The following SOX5 variants were observed in gnomAD, a reference collection of about 807,000 sequenced individuals.
The protein encoded by SOX5 is transcription factor SOX-5.
In SOX5, 9 loss-of-function variants were observed where a neutral mutation model predicts 92.0. That is an observed-to-expected ratio of 0.10 (90% CI 0.06 to 0.17). The LOEUF (loss-of-function observed/expected upper bound fraction) is 0.17, where lower values mean the gene tolerates loss of function less well. Ranked by LOEUF, SOX5 falls within the 10% of genes least tolerant of loss-of-function variation. The probability of loss-of-function intolerance (pLI) is 1.00; values close to 1 mark genes in which losing one functional copy is unlikely to be tolerated. For missense variants in SOX5, 642 were observed against 944.5 expected (o/e 0.68, Z 4.20); for synonymous variants, 344 against 336.3 (o/e 1.02, Z -0.25).
chr12:23,881,126 G>T (rs1170693672), intron 2 of SOX5, among the ~76,000 whole-genome samples: 1 of 152,026 alleles, frequency 6.6e-6, no homozygotes, highest in African/African-American at 2.4e-5. Flanking sequence ...AGATGAAGAG[G>T]TCACCACTGT....
intron 8 of SOX5, among the ~76,000 whole-genome samples, chr12:23,608,115 GAAAAAAAAAAAA>G (rs772255622): frequency 0.011 from 472 of 44,094 alleles, 5 homozygotes; most frequent in African/African-American, 0.034. Flanking sequence ...AAAGAAAAAA[GAAAAAAAAAAAA>G]AAAAAAAAAA....
At chr12:23,859,215 C>G (rs2096727468) in intron 2 of SOX5, among the ~76,000 whole-genome samples, 3 of 152,160 alleles carry the variant, frequency 2.0e-5, no homozygotes, top group Admixed American at 2.0e-4. Context: ...TATTTTTCAT[C>G]TCACAGAGAG....
At chr12:24,086,473 G>A (rs1425630469) in intron 4 of SOX5, among the ~76,000 whole-genome samples, 2 of 151,704 alleles carry the variant, frequency 1.3e-5, no homozygotes, top group African/African-American at 4.8e-5. Context: ...ATAGAATTTT[G>A]TAAATAATGA....
chr12:24,349,929 C>A (rs1953859124), intron 2 of SOX5, among the ~76,000 whole-genome samples: 1 of 152,182 alleles, frequency 6.6e-6, no homozygotes, highest in African/African-American at 2.4e-5. Flanking sequence ...AATTTCTCCA[C>A]ATCTTTGCTG....
chr12:23,540,808 C>A (rs1941864840), intron 13 of SOX5, among the ~76,000 whole-genome samples: 1 of 152,176 alleles, frequency 6.6e-6, no homozygotes, highest in Non-Finnish European at 1.5e-5. Flanking sequence ...CGTAAAATGT[C>A]AACCCAGCTC....
chr12:23,809,047 C>T (rs1320768468), intron 3 of SOX5, among the ~76,000 whole-genome samples: 1 of 152,062 alleles, frequency 6.6e-6, no homozygotes. Context: ...TATTAGAGAA[C>T]AGACATCATG....
At chr12:24,506,180 A>G (rs1375554229) in intron 1 of SOX5, among the ~76,000 whole-genome samples, 1 of 152,174 alleles carries the variant, frequency 6.6e-6, no homozygotes, top group East Asian at 1.9e-4. Flanking sequence ...ACATGACAAT[A>G]GTTACATTTT....
chr12:23,749,940 T>C (rs927835278), intron 4 of SOX5, among the ~76,000 whole-genome samples: 1 of 151,756 alleles, frequency 6.6e-6, no homozygotes, highest in African/African-American at 2.4e-5. Flanking sequence ...GGTCAATATG[T>C]AAACAGGGAA....
chr12:23,679,116 T>A (rs866448507), intron 6 of SOX5, among the ~76,000 whole-genome samples: 3 of 152,120 alleles, frequency 2.0e-5, no homozygotes, highest in Admixed American at 6.5e-5. Context: ...ACCAATAAAC[T>A]TTTTCTATGC....
At chr12:24,325,213 C>T (rs1048848776) in intron 2 of SOX5, among the ~76,000 whole-genome samples, 9 of 151,232 alleles carry the variant, frequency 6.0e-5, no homozygotes, top group South Asian at 4.2e-4. Flanking sequence ...AAGTTATACA[C>T]ACTAAAATTG....
chr12:24,014,414 T>C (rs756090987), intron 4 of SOX5, among the ~76,000 whole-genome samples: 2 of 152,190 alleles, frequency 1.3e-5, no homozygotes, highest in Non-Finnish European at 2.9e-5. Flanking sequence ...TTCTGAGCCT[T>C]TTAGCCTCTT....
chr12:24,028,388 T>G (rs1000147311), intron 4 of SOX5, among the ~76,000 whole-genome samples: 7 of 151,990 alleles, frequency 4.6e-5, no homozygotes, highest in Non-Finnish European at 1.0e-4. Flanking sequence ...GGAGCACGGA[T>G]CAGAGTTTTA....
intron 3 of SOX5, among the ~76,000 whole-genome samples, chr12:24,252,923 CT>C (rs1940426028): frequency 6.6e-6 from 1 of 152,246 alleles, no homozygotes; most frequent in Admixed American, 6.5e-5. Flanking sequence ...AGTAATTTCC[CT>C]CTGCTGATAA....
intron 9 of SOX5, among the ~76,000 whole-genome samples, chr12:23,595,016 C>T (rs1178284339): frequency 1.3e-5 from 2 of 152,148 alleles, no homozygotes; most frequent in Non-Finnish European, 2.9e-5. Context: ...TATCACTTAG[C>T]ATGCACAAAA....
chr12:24,178,033 C>T (rs1955022033), intron 4 of SOX5, among the ~76,000 whole-genome samples: 1 of 152,078 alleles, frequency 6.6e-6, no homozygotes, highest in African/African-American at 2.4e-5. Flanking sequence ...CAGGGCAGTC[C>T]AGGACAAAGG....
intron 1 of SOX5, among the ~76,000 whole-genome samples, chr12:23,904,337 C>T (rs1254083462): frequency 6.6e-6 from 1 of 150,388 alleles, no homozygotes; most frequent in Non-Finnish European, 1.5e-5. Flanking sequence ...CATACAAAAA[C>T]CTGGTTCATT....
chr12:24,494,069 G>A (rs1947365835), intron 1 of SOX5, among the ~76,000 whole-genome samples: 2 of 152,126 alleles, frequency 1.3e-5, no homozygotes, highest in African/African-American at 4.8e-5. Context: ...GAGATTCCCT[G>A]TCCACAGTGA....
intron 3 of SOX5, among the ~76,000 whole-genome samples, chr12:23,802,123 G>T (rs2095670200): frequency 6.6e-6 from 1 of 151,928 alleles, no homozygotes; most frequent in African/African-American, 2.4e-5. Flanking sequence ...GCCCAGGCTG[G>T]AGTGCAGTGG....
chr12:24,172,341 A>G (rs761120152), intron 4 of SOX5, among the ~76,000 whole-genome samples: 18 of 152,136 alleles, frequency 1.2e-4, no homozygotes, highest in Middle Eastern at 3.4e-3. Context: ...GTTTGAGACC[A>G]GCCTAGGCAA....
Sources: allele counts gnomAD v4.1 joint callset (sites outside exome capture counted in the v4.1 genomes callset), GRCh38; gene constraint gnomAD v4.1.1; transcripts MANE v1.5; gene names NCBI Gene and HGNC (gene_info 2026-07-23, HGNC 2026-07-21).